Variants in CTNNA3 observed in about 807,000 individuals in gnomAD.
The protein encoded by CTNNA3 is catenin alpha 3, also known as catenin alpha-3.
Under a neutral mutation model 95.7 loss-of-function variants are expected in CTNNA3, and 76 were observed. The observed-to-expected ratio is 0.79, with a 90% CI of 0.66 to 0.96. The LOEUF (loss-of-function observed/expected upper bound fraction) is 0.96, where lower values mean the gene tolerates loss of function less well. CTNNA3 is among the 40% of genes least tolerant of loss of function. The probability of loss-of-function intolerance (pLI) is 0.00; values close to 1 mark genes in which losing one functional copy is unlikely to be tolerated. For synonymous variants in CTNNA3, 431 were observed against 374.4 expected (o/e 1.15, Z -1.74); for missense variants, 1,191 against 1,089.8 (o/e 1.09, Z -1.31).
rs370974705 is a variant in CTNNA3 at position 66,430,885 on chromosome 10, G to A, written c.1532-51533C>T. ...AAAACACCAAAAGCAATGGCAACAA[G>A]AGCCAAAATTGACAAATGGCATCTA... is the stretch of plus-strand genomic sequence containing the variant. On this transcript the variant is annotated intron_variant, in intron 11 of 17. Coordinates refer to ENST00000433211, the MANE Select transcript of CTNNA3 (RefSeq NM_013266.4). Among the ~76,000 whole-genome samples the A allele has an allele frequency of 3.5e-4, 53 of 151,574 alleles. No homozygotes were observed. In the East Asian group the frequency reaches 4.1e-3, roughly 12 times the overall value.
chr10:66,336,207 G>A (rs535856432), intron 12 of CTNNA3, among the ~76,000 whole-genome samples: 5 of 151,928 alleles, frequency 3.3e-5, no homozygotes, highest in East Asian at 1.9e-4. Context: ...ACCCTGCTTC[G>A]GCTCATGCTC....
rs1228569894 is a variant in CTNNA3, at chr10:66,130,884, A to C, written c.1885-27635T>G. ...ACAAACAAAAAAAAAAAAAAAAGAA[A>C]GAAATACAGAGAATCATCGGAGACT... On this transcript the variant is annotated intron_variant, in intron 13 of 17. Coordinates refer to ENST00000433211, the MANE Select transcript of CTNNA3 (RefSeq NM_013266.4). Among the ~76,000 whole-genome samples, 5 of 151,768 alleles carry C rather than the reference A, an allele frequency of 3.3e-5. No homozygotes were observed. In the East Asian group the frequency reaches 9.7e-4, roughly 29 times the overall value.
chr10:67,751,328 G>C lies in CTNNA3; in HGVS notation c.-2+12106C>G, dbSNP rs1841406031. ...TCCTATTTTAGCCAAGCTTATCTGA[G>C]ATCACAGTGACTTCGTCCTGTTGCA... On this transcript the variant is annotated intron_variant, in intron 1 of 17. Transcript: ENST00000684154. The C allele has an allele frequency of 4.0e-6, 3 of 759,026 alleles. No individual in the cohort carries two copies. The East Asian group carries it at 9.0e-5, about 23-fold the overall frequency. 47.0% of individuals were successfully genotyped at this position (759,026 alleles called of 1,614,324 possible). A position where few individuals can be genotyped will look rare whatever the true frequency, so the allele number is the denominator to read the frequency against.
Position 67,155,714 on chromosome 10 carries a change from A to G in CTNNA3, c.1047+24603T>C, listed in dbSNP as rs556080353. Among the ~76,000 whole-genome samples the G allele has an allele frequency of 3.3e-5, 5 of 152,214 alleles. No homozygotes were observed. The East Asian group carries it at 5.8e-4, about 18-fold the overall frequency. Reference sequence around the variant, plus strand: ...TACTTTTTTTCTAAGTTTTTCTAGCATAAAGTAAAACTTACTAAGTTTGGC... The same window carrying G: ...TACTTTTTTTCTAAGTTTTTCTAGCGTAAAGTAAAACTTACTAAGTTTGGC... On this transcript the variant is annotated intron_variant, in intron 7 of 17. Coordinates refer to ENST00000433211, the MANE Select transcript of CTNNA3 (RefSeq NM_013266.4).
intron 15 of CTNNA3, among the ~76,000 whole-genome samples, chr10:65,995,653 C>T (rs1042374361): frequency 1.3e-5 from 2 of 152,138 alleles, no homozygotes; most frequent in Non-Finnish European, 2.9e-5. Context: ...CTGGCAGTGG[C>T]AGTATTGGGC....
chr10:66,425,618 T>A (rs2093232925), intron 11 of CTNNA3, among the ~76,000 whole-genome samples: 1 of 152,042 alleles, frequency 6.6e-6, no homozygotes, highest in Non-Finnish European at 1.5e-5. Flanking sequence ...TTCCTAGAAT[T>A]TTAGTTTTAC....
At chr10:67,378,493 G>T (rs1046778284) in intron 5 of CTNNA3, among the ~76,000 whole-genome samples, 1 of 151,878 alleles carries the variant, frequency 6.6e-6, no homozygotes, top group South Asian at 2.1e-4. Context: ...TCTGTTTCAG[G>T]GTCCAATCAA....
intron 5 of CTNNA3, among the ~76,000 whole-genome samples, chr10:67,449,075 T>A (rs548404952): frequency 4.3e-4 from 65 of 151,968 alleles, no homozygotes; most frequent in Admixed American, 2.5e-3. Flanking sequence ...CCGAATCTCA[T>A]TTACAATTGA....
chr10:66,996,861 T>C (rs867361035), intron 7 of CTNNA3, among the ~76,000 whole-genome samples: 4 of 152,214 alleles, frequency 2.6e-5, no homozygotes, highest in South Asian at 4.1e-4. Context: ...CCATGTGAAC[T>C]AACATCTGTA....
intron 5 of CTNNA3, among the ~76,000 whole-genome samples, chr10:67,423,576 A>C (rs1005350088): frequency 6.6e-6 from 1 of 152,296 alleles, no homozygotes; most frequent in East Asian, 1.9e-4. Context: ...AACACTTTTC[A>C]GTTTTAAATC....
intron 10 of CTNNA3, among the ~76,000 whole-genome samples, chr10:66,575,828 A>T (rs1027045957): frequency 6.6e-6 from 1 of 152,136 alleles, no homozygotes; most frequent in Admixed American, 6.6e-5. Flanking sequence ...CGCCTTGTGG[A>T]CAAGGACATC....
At chr10:67,011,058 G>A (rs757134046) in intron 7 of CTNNA3, among the ~76,000 whole-genome samples, 2 of 152,020 alleles carry the variant, frequency 1.3e-5, no homozygotes, top group East Asian at 1.9e-4. Context: ...GGCCAGGCGC[G>A]GTGGCTCACG....
intron 1 of CTNNA3, among the ~76,000 whole-genome samples, chr10:67,715,766 G>T (rs1404154187): frequency 2.0e-5 from 3 of 152,190 alleles, no homozygotes; most frequent in African/African-American, 4.8e-5. Context: ...AGCCCCATCA[G>T]ATATGGGACT....
intron 13 of CTNNA3, among the ~76,000 whole-genome samples, chr10:66,119,553 C>T (rs1486203763): frequency 1.3e-5 from 2 of 152,080 alleles, no homozygotes; most frequent in Non-Finnish European, 2.9e-5. Flanking sequence ...TTTTTGATCC[C>T]TCCTAGGGGA....
chr10:66,218,817 A>C (rs1031058483), intron 13 of CTNNA3, among the ~76,000 whole-genome samples: 1 of 152,208 alleles, frequency 6.6e-6, no homozygotes, highest in African/African-American at 2.4e-5. Context: ...ACTGCTAGTG[A>C]TATCTTAAAG....
chr10:65,968,008 C>T (rs2078015162), intron 16 of CTNNA3, among the ~76,000 whole-genome samples: 1 of 151,982 alleles, frequency 6.6e-6, no homozygotes, highest in East Asian at 1.9e-4. Flanking sequence ...AATAGAGTTT[C>T]AAAGGATGTG....
At chr10:66,754,051 CAA>C (rs1839271520) in intron 9 of CTNNA3, among the ~76,000 whole-genome samples, 1 of 152,032 alleles carries the variant, frequency 6.6e-6, no homozygotes, top group African/African-American at 2.4e-5. Context: ...TATAGAAATA[CAA>C]GGGACCTATA....
intron 13 of CTNNA3, among the ~76,000 whole-genome samples, chr10:66,125,273 T>G (rs1370892294): frequency 6.6e-6 from 1 of 152,142 alleles, no homozygotes; most frequent in Non-Finnish European, 1.5e-5. Flanking sequence ...TAACAATATA[T>G]TGTATGATTG....
chr10:66,687,744 C>CAT (rs1264764721), intron 9 of CTNNA3, among the ~76,000 whole-genome samples: 1 of 151,318 alleles, frequency 6.6e-6, no homozygotes, highest in African/African-American at 2.4e-5. Flanking sequence ...TACACACACA[C>CAT]ACACACATAC....
Sources: gnomAD v4.1 joint callset for allele counts (sites outside exome capture counted in the v4.1 genomes callset) on GRCh38, gnomAD v4.1.1 for gene constraint, MANE v1.5 for transcripts, NCBI Gene and HGNC (gene_info 2026-07-23, HGNC 2026-07-21) for gene names.